Variants in BRWD1 observed in about 807,000 individuals in gnomAD.
The protein encoded by BRWD1 is bromodomain and WD repeat domain containing 1.
In BRWD1, 82 loss-of-function variants were observed where a neutral mutation model predicts 251.2. That is an observed-to-expected ratio of 0.33 (90% CI 0.27 to 0.39). The LOEUF is 0.39. BRWD1 is among the 10% of genes least tolerant of loss of function. The probability of loss-of-function intolerance (pLI) is 1.00; values close to 1 mark genes in which losing one functional copy is unlikely to be tolerated. For synonymous variants in BRWD1, 918 were observed against 902.8 expected (o/e 1.02, Z -0.30); for missense variants, 2,233 against 2,711.6 (o/e 0.82, Z 3.92).
chr21:39,279,739 C>T (rs896987244), intron 9 of BRWD1, among the ~76,000 whole-genome samples: 1 of 150,810 alleles, frequency 6.6e-6, no homozygotes, highest in Non-Finnish European at 1.5e-5. Context: ...TTTAAATTAT[C>T]AATTCAGTTC....
Position 39,194,702 on chromosome 21 carries a change from T to A in BRWD1, c.*1557A>T, listed in dbSNP as rs2031720970. 1 of 1,535,028 alleles carries A rather than the reference T, an allele frequency of 6.5e-7. No homozygotes were observed. Among genetic ancestry groups the A allele is most frequent in the African/African-American group, 1.4e-5 (1 of 72,998 alleles). ...TTCTCTAACATTAATACCAGTCTGA[T>A]GCTTCGCCTTGTCTGCCACTTCAAA... On this transcript the variant is annotated 3_prime_UTR_variant, in exon 41 of 41. Coordinates refer to ENST00000342449, the MANE Select transcript of BRWD1 (RefSeq NM_033656.4).
rs544549218 is a variant in BRWD1 at position 39,267,198 on chromosome 21, T to TAATCAAAGGTCTAAGAACCTGAG, written c.1531-2202_1531-2180dup. On this transcript the variant is annotated intron_variant, in intron 15 of 40. Transcript: ENST00000342449. ...TATTTAAAATGTTTTAGAATGCATT[T>TAATCAAAGGTCTAAGAACCTGAG]AATCAAAGGTCTAAGAACCTGAGAA... 1.6e-3 allele frequency among the ~76,000 whole-genome samples: 251 copies of TAATCAAAGGTCTAAGAACCTGAG among 152,128 alleles called. 2 individuals are homozygous for TAATCAAAGGTCTAAGAACCTGAG. Among genetic ancestry groups the TAATCAAAGGTCTAAGAACCTGAG allele is most frequent in the African/African-American group, 5.8e-3 (239 of 41,392 alleles).
rs1172751900 is a variant in BRWD1 at position 39,194,649 on chromosome 21, A to G, written c.*1610T>C. ...TTCTACTATGTCAAATGGAATAGAT[A>G]ACTACAAAATAGGAACACTTCAGAA... On this transcript the variant is annotated 3_prime_UTR_variant, in exon 41 of 41. Transcript: ENST00000342449. 7 of 1,532,872 alleles carry G rather than the reference A, an allele frequency of 4.6e-6. No homozygotes were observed. Among genetic ancestry groups the G allele is most frequent in the Non-Finnish European group, 6.1e-6 (7 of 1,144,918 alleles). 95.0% of individuals were successfully genotyped at this position (1,532,872 alleles called of 1,614,324 possible).
chr21:39,313,648 C>T (rs2036604984), upstream of BRWD1: 2 of 486,820 alleles, frequency 4.1e-6, no homozygotes, highest in Non-Finnish European at 6.4e-6. Flanking sequence ...GACGCCTCCG[C>T]GGGGGAGGAA....
upstream of BRWD1, chr21:39,313,817 C>T (rs982230028): frequency 8.4e-6 from 3 of 358,042 alleles, no homozygotes; most frequent in African/African-American, 2.2e-5. Flanking sequence ...GAGGCAAAGA[C>T]CTGGGCGCCG....
Position 39,290,985 on chromosome 21 carries a change from C to T in BRWD1, c.831+2826G>A, listed in dbSNP as rs114742889. On this transcript the variant is annotated intron_variant, in intron 8 of 40. Transcript: ENST00000342449. ...CATCCCTATAAAGAATTTAAAAAGC[C>T]GGGGTTGGTAAGCACACACCTGTGG... Among the ~76,000 whole-genome samples, 394 of 152,064 alleles carry T rather than the reference C, an allele frequency of 2.6e-3. 1 individual carries two copies. The highest frequency in any genetic ancestry group is 9.2e-3 in the African/African-American group (382 of 41,472).
In BRWD1 at chr21:39,210,095, G is replaced by A. The variant is rs1336467011; in HGVS notation, c.4097C>T (p.Thr1366Ile). The A allele has an allele frequency of 6.8e-6, 11 of 1,613,232 alleles. No homozygotes were observed. Among genetic ancestry groups the A allele is most frequent in the Non-Finnish European group, 9.3e-6 (11 of 1,179,362 alleles). ...TPMDFGTVRE[T>I]LDAGNYDSPL... Reference sequence around the variant, plus strand: ...GCTGTCATAATTTCCCGCATCTAGAGTTTCCCTTACTGTTCCAAAATCCAT... The same window carrying A: ...GCTGTCATAATTTCCCGCATCTAGAATTTCCCTTACTGTTCCAAAATCCAT... Residue 1366 changes from threonine (T) to isoleucine (I), a missense_variant, in exon 36 of 41, where the codon ACT becomes ATT. This residue lies in a region of BRWD1 where 69 missense variants were observed against 101.6 expected (regional missense o/e 0.68). Transcript: ENST00000342449.
chr21:39,197,109 A>C lies in BRWD1; in HGVS notation c.5960T>G (p.Val1987Gly), dbSNP rs113583698. 1.5e-5 allele frequency: 25 copies of C among 1,614,114 alleles called. No individual in the cohort carries two copies. Among genetic ancestry groups the C allele is most frequent in the Non-Finnish European group, 2.1e-5 (25 of 1,179,970 alleles). The change falls in exon 41 of 41, where the codon GTA becomes GGA. Residue 1987 changes from valine (V) to glycine (G), a missense_variant. Transcript: ENST00000342449. ...SDCEGSVHCE[V>G]PSEQYACEGK... ...TTCACAGGCATACTGTTCACTTGGTACTTCACAATGTACACTTCCTTCACA... is the reference window on the plus strand; with the variant it reads ...TTCACAGGCATACTGTTCACTTGGTCCTTCACAATGTACACTTCCTTCACA...
Position 39,196,333 on chromosome 21 carries a change from T to A in BRWD1, c.6736A>T (p.Thr2246Ser), listed in dbSNP as rs778093717. 6.2e-7 allele frequency: 1 copy of A among 1,613,282 alleles called. No individual in the cohort carries two copies. Among genetic ancestry groups the A allele is most frequent in the Non-Finnish European group, 8.5e-7 (1 of 1,179,544 alleles). Residue 2246 changes from threonine to serine, a missense_variant, in exon 41 of 41, where the codon ACT becomes TCT. Coordinates refer to ENST00000342449, the MANE Select transcript of BRWD1 (RefSeq NM_033656.4). ...KIKTRNQGRR[T>S]VRYHDGDDDR... ...TCATCCCCATCATGGTATCTCACAG[T>A]CCTTCTACCCTGATTTCTCGTTTTT...
At position 39,191,819 on chromosome 21, in the gene BRWD1, A is replaced by T. The variant is rs929835946; in HGVS notation, c.*4440T>A. On this transcript the variant is annotated 3_prime_UTR_variant, in exon 41 of 41. Coordinates refer to ENST00000342449, the MANE Select transcript of BRWD1 (RefSeq NM_033656.4). ...ACTGCCTCTTCTCTTTGGCAGTCTA[A>T]AATCTCATTTAAGGGCTTTAATAAA... 1 of 985,194 alleles carries T rather than the reference A, an allele frequency of 1.0e-6. No individual in the cohort carries two copies. Among genetic ancestry groups the T allele is most frequent in the Non-Finnish European group, 1.2e-6 (1 of 829,742 alleles). The allele number at this position is 985,194 out of a possible 1,614,324, so 61.0% of individuals were successfully genotyped here.
rs986349629 is a variant in BRWD1 at position 39,186,437 on chromosome 21, C to G, written c.*9822G>C. The G allele has an allele frequency of 6.6e-6, 1 of 152,214 alleles. No individual in the cohort carries two copies. Among genetic ancestry groups the G allele is most frequent in the Non-Finnish European group, 1.5e-5 (1 of 68,042 alleles). 9.4% of individuals were successfully genotyped at this position (152,214 alleles called of 1,614,324 possible). The stretch of plus-strand genomic sequence containing the variant: ...TACTTCAGAACTCAATAATCAGTAT[C>G]TCCAGCTGAAATTCCCAGGTCCTCC... On this transcript the variant is annotated 3_prime_UTR_variant, in exon 41 of 41. Coordinates refer to ENST00000342449, the MANE Select transcript of BRWD1 (RefSeq NM_033656.4).
At chr21:39,224,253 A>G (rs1264604776) in intron 29 of BRWD1, among the ~76,000 whole-genome samples, 155 bp downstream of exon 29, 1 of 152,244 alleles carries the variant, frequency 6.6e-6, no homozygotes, top group Non-Finnish European at 1.5e-5. Context: ...CAAAACAGAT[A>G]AACACGATGC....
Position 39,196,218 on chromosome 21 carries a change from C to A in BRWD1, c.*41G>T, listed in dbSNP as rs1456797353. 5 of 1,501,958 alleles carry A rather than the reference C, an allele frequency of 3.3e-6. No homozygotes were observed. Among genetic ancestry groups the A allele is most frequent in the Non-Finnish European group, 4.4e-6 (5 of 1,129,518 alleles). 93.0% of individuals were successfully genotyped at this position (1,501,958 alleles called of 1,614,324 possible). A position where few individuals can be genotyped will look rare whatever the true frequency, so the allele number is the denominator to read the frequency against. On this transcript the variant is annotated 3_prime_UTR_variant, in exon 41 of 41. Transcript: ENST00000342449. Reference sequence around the variant, plus strand: ...TAACAGCCAGCTTTCACCATAAATGCCAGTCCATTTCCTCTTAAATGAACT... The same window carrying A: ...TAACAGCCAGCTTTCACCATAAATGACAGTCCATTTCCTCTTAAATGAACT...
chr21:39,229,683 C>T (rs1478146722), intron 25 of BRWD1, among the ~76,000 whole-genome samples: 1 of 152,136 alleles, frequency 6.6e-6, no homozygotes, highest in African/African-American at 2.4e-5. Flanking sequence ...ACACAAATCT[C>T]GGATTAGCGC....
chr21:39,240,602 T>C (rs367905535), intron 21 of BRWD1, among the ~76,000 whole-genome samples: 7 of 152,318 alleles, frequency 4.6e-5, no homozygotes, highest in South Asian at 2.1e-4. Context: ...AATGTAAACA[T>C]TGGAAACAAC....
At chr21:39,263,729 T>C (rs1438687918) in intron 17 of BRWD1, among the ~76,000 whole-genome samples, 2 of 152,208 alleles carry the variant, frequency 1.3e-5, no homozygotes, top group African/African-American at 4.8e-5. Flanking sequence ...CAATGGGTCC[T>C]AAAACTTGAG....
intron 8 of BRWD1, among the ~76,000 whole-genome samples, chr21:39,280,595 A>G (rs1349208794): frequency 1.3e-5 from 2 of 152,186 alleles, no homozygotes; most frequent in Non-Finnish European, 2.9e-5. Context: ...AAAAAATACA[A>G]TCCAAAACTA....
rs2031732456 is a variant in BRWD1, at chr21:39,194,910, G to A, written c.*1349C>T. ...AGGGCTAATAAATAACTTACAGGTG[G>A]GGTACTGTAACATATCCCTTACCCA... On this transcript the variant is annotated 3_prime_UTR_variant, in exon 41 of 41. Coordinates refer to ENST00000342449, the MANE Select transcript of BRWD1 (RefSeq NM_033656.4). 13 of 1,516,170 alleles carry A rather than the reference G, an allele frequency of 8.6e-6. No homozygotes were observed. Among genetic ancestry groups the A allele is most frequent in the Non-Finnish European group, 1.1e-5 (13 of 1,136,580 alleles). The allele number at this position is 1,516,170 out of a possible 1,614,324, so 93.9% of individuals were successfully genotyped here. A position where few individuals can be genotyped will look rare whatever the true frequency, so the allele number is the denominator to read the frequency against.
intron 34 of BRWD1, 63 bp from the exon 35 acceptor site, chr21:39,210,992 G>T (rs746046742): frequency 2.7e-6 from 4 of 1,467,652 alleles, no homozygotes; most frequent in Non-Finnish European, 3.7e-6. Flanking sequence ...TGGTAAAAAT[G>T]TAACTGATCT....
Sources: allele counts gnomAD v4.1 joint callset (sites outside exome capture counted in the v4.1 genomes callset), GRCh38; gene constraint gnomAD v4.1.1; regional missense constraint gnomAD v4.1.1; transcripts MANE v1.5; gene names NCBI Gene and HGNC (gene_info 2026-07-23, HGNC 2026-07-21).